The following IQCF1 variants were observed in gnomAD, a reference collection of about 807,000 sequenced individuals.
IQCF1 encodes the protein IQ motif containing F1, also known as IQ domain-containing protein F1.
IQCF1 carries 9 observed loss-of-function variants against 12.5 expected under a neutral mutation model. That is an observed-to-expected ratio of 0.72 (90% CI 0.43 to 1.26). The LOEUF (loss-of-function observed/expected upper bound fraction) is 1.26. Among genes scored for constraint, IQCF1 ranks in the 50% most tolerant of loss-of-function variants. The pLI is 0.00. For synonymous variants in IQCF1, 67 were observed against 96.2 expected, an observed-to-expected ratio of 0.70 and a Z score of 1.78; for missense variants, 252 against 257.4, an observed-to-expected ratio of 0.98 and a Z score of 0.14.
intron 3 of IQCF1, among the ~76,000 whole-genome samples, chr3:51,896,336 G>C (rs1699002016): frequency 6.6e-6 from 1 of 152,122 alleles, no homozygotes. Context: ...ACCACTACGA[G>C]TTTTCCCACC....
In IQCF1 at chr3:51,895,026, C is replaced by T. The variant is rs778155817; in HGVS notation, c.482G>A (p.Arg161His). The change falls in exon 4 of 4, where the codon CGC (arginine) becomes CAC (histidine). Residue 161 changes from arginine to histidine, a missense_variant. Transcript: ENST00000310914. This position sits in a 1 kb window ranked among gnomAD's most constrained non-coding sequence, Gnocchi z 4.8. ...VRIIQAYWRC[R>H]SCASRGFIKG... The stretch of plus-strand genomic sequence containing the variant: ...GATGAACCCCCGGGAAGCACAGGAG[C>T]GGCACCTCCAGTAAGCCTGGATGAT... The T allele has an allele frequency of 9.3e-6, 15 of 1,614,100 alleles. No homozygotes were observed. Among genetic ancestry groups the T allele is most frequent in the African/African-American group, 2.7e-5 (2 of 74,928 alleles).
chr3:51,895,051 T>G lies in IQCF1; in HGVS notation c.457A>C (p.Ile153Leu), dbSNP rs1360607571. 1 of 1,614,112 alleles carries G rather than the reference T, an allele frequency of 6.2e-7. No homozygotes were observed. Among genetic ancestry groups the G allele is most frequent in the East Asian group, 2.2e-5 (1 of 44,892 alleles). The part of the protein sequence containing the change: ...RYCQVLNAVR[I>L]IQAYWRCRSC... ...CGGCACCTCCAGTAAGCCTGGATGA[T>G]GCGAACAGCATTGAGCACCTGGCAA... is the stretch of plus-strand genomic sequence containing the variant. The change falls in exon 4 of 4, where the codon ATC becomes CTC. Residue 153 changes from isoleucine to leucine, a missense_variant. Ile to Leu is a conservative substitution (Grantham distance 5, BLOSUM62 2). Transcript: ENST00000310914. This position sits in a 1 kb window ranked among gnomAD's most constrained non-coding sequence, Gnocchi z 4.8.
chr3:51,896,701 A>ACACACACACACG (rs1272326652), intron 3 of IQCF1, 131 bp downstream of exon 3: 8 of 722,896 alleles, frequency 1.1e-5, no homozygotes, highest in Admixed American at 2.0e-5. Flanking sequence ...GCGCGCACAC[A>ACACACACACACG]CACACACACA....
In IQCF1 at chr3:51,897,799, T is replaced by C. The variant is rs1435058600; in HGVS notation, c.109-905A>G. On this transcript the variant is annotated intron_variant, in intron 2 of 3. Coordinates refer to ENST00000310914, the MANE Select transcript of IQCF1 (RefSeq NM_152397.3). ...TCGTGTGGACAGTGACGAGTCCTACTGCTCGACGGAGTGAGTGGGTCCTCT... is the reference window on the plus strand; with the variant it reads ...TCGTGTGGACAGTGACGAGTCCTACCGCTCGACGGAGTGAGTGGGTCCTCT... 3.3e-5 allele frequency among the ~76,000 whole-genome samples: 5 copies of C among 152,232 alleles called. 1 individual carries two copies. The South Asian group carries it at 1.0e-3, about 32-fold the overall frequency.
intron 2 of IQCF1, among the ~76,000 whole-genome samples, chr3:51,899,563 A>G (rs571457442): frequency 6.6e-6 from 1 of 152,344 alleles, no homozygotes; most frequent in Non-Finnish European, 1.5e-5. Context: ...TTAAAGGTTT[A>G]AGCAAGTTTT....
chr3:51,903,129 G>A lies in IQCF1; in HGVS notation c.4-40C>T, dbSNP rs553411006. On this transcript the variant is annotated intron_variant, in intron 1 of 3. Coordinates refer to ENST00000310914, the MANE Select transcript of IQCF1 (RefSeq NM_152397.3). Reference sequence around the variant, plus strand: ...AGGGGAAAGGCAAGAGTGAGGCTGCGGTCCCTCCCTCTCCATTCAATATGG... The same window carrying A: ...AGGGGAAAGGCAAGAGTGAGGCTGCAGTCCCTCCCTCTCCATTCAATATGG... 50 of 1,601,416 alleles carry A rather than the reference G, an allele frequency of 3.1e-5. No homozygotes were observed. In the Middle Eastern group the frequency reaches 5.0e-4, roughly 16 times the overall value.
chr3:51,901,028 C>G (rs552825284), intron 2 of IQCF1, among the ~76,000 whole-genome samples: 4 of 152,300 alleles, frequency 2.6e-5, no homozygotes, highest in Admixed American at 6.5e-5. Flanking sequence ...ACCAAGATAG[C>G]TATCGTAGAA....
rs528462896 is a variant in IQCF1 at position 51,895,710 on chromosome 3, A to G, written c.172-374T>C. On this transcript the variant is annotated intron_variant, in intron 3 of 3. Coordinates refer to ENST00000310914, the MANE Select transcript of IQCF1 (RefSeq NM_152397.3). This position sits in a 1 kb window ranked among gnomAD's most constrained non-coding sequence, Gnocchi z 4.8. ...CCTTTCTTTCAGACCCCTTCCACCT[A>G]CTGGAGAAGTCACATCCTTTGCCGG... Among the ~76,000 whole-genome samples the G allele has an allele frequency of 6.6e-6, 1 of 152,134 alleles. No individual in the cohort carries two copies. The highest frequency in any genetic ancestry group is 1.9e-4 in the East Asian group (1 of 5,164).
Position 51,895,002 on chromosome 3 carries a change from A to T in IQCF1, c.506T>A (p.Ile169Asn). 1.2e-6 allele frequency: 2 copies of T among 1,614,204 alleles called. No homozygotes were observed. Among genetic ancestry groups the T allele is most frequent in the South Asian group, 2.2e-5 (2 of 91,084 alleles). The change falls in exon 4 of 4, where the codon ATC (isoleucine) becomes AAC (asparagine). Residue 169 changes from isoleucine to asparagine, a missense_variant. Physicochemically the swap from Ile to Asn is moderately radical, Grantham distance 149 (BLOSUM62 -3). Coordinates refer to ENST00000310914, the MANE Select transcript of IQCF1 (RefSeq NM_152397.3). This position sits in a 1 kb window ranked among gnomAD's most constrained non-coding sequence, Gnocchi z 4.8. ...GGCTGTGACTCTGTACTGGCCCTTG[A>T]TGAACCCCCGGGAAGCACAGGAGCG... Reference protein sequence around the residue: ...RCRSCASRGFIKGQYRVTANQ... With the variant: ...RCRSCASRGFNKGQYRVTANQ...
At chr3:51,896,734 TCTAA>T (rs1699008733) in intron 3 of IQCF1, 94 bp downstream of exon 3, 16 of 924,396 alleles carry the variant, frequency 1.7e-5, no homozygotes, top group Admixed American at 1.4e-4. Flanking sequence ...CACACATACT[TCTAA>T]CTGAGCCCAG....
intron 2 of IQCF1, among the ~76,000 whole-genome samples, chr3:51,901,577 C>A (rs1699076305): frequency 5.3e-5 from 8 of 152,188 alleles, no homozygotes; most frequent in Admixed American, 5.2e-4. Context: ...AATTGGCTAT[C>A]CCTTTCACCC....
intron 2 of IQCF1, 114 bp from the exon 3 acceptor site, chr3:51,897,008 G>A: frequency 1.2e-6 from 1 of 834,924 alleles, no homozygotes; most frequent in Non-Finnish European, 2.1e-6. Context: ...CAGTATGTCA[G>A]TATGTTCAAT....
At chr3:51,901,154 G>C (rs1326759063) in intron 2 of IQCF1, among the ~76,000 whole-genome samples, 2 of 152,232 alleles carry the variant, frequency 1.3e-5, no homozygotes, top group Non-Finnish European at 2.9e-5. Flanking sequence ...TGTTATGCTT[G>C]TGCACCCAGC....
At chr3:51,898,972 C>T (rs80030246) in intron 2 of IQCF1, among the ~76,000 whole-genome samples, 2 of 152,144 alleles carry the variant, frequency 1.3e-5, no homozygotes, top group South Asian at 2.1e-4. Context: ...AGGAAGGAGC[C>T]GTCTATACCA....
At position 51,903,010 on chromosome 3, in the gene IQCF1, G is replaced by C; in HGVS notation, c.83C>G (p.Ser28Cys). 1 of 1,614,102 alleles carries C rather than the reference G, an allele frequency of 6.2e-7. No homozygotes were observed. ...CTCTGCCTTTGACTCTGCTCCTAAGGACAAATGGGTTGGCATCTCCTTCTG... is the reference window on the plus strand; with the variant it reads ...CTCTGCCTTTGACTCTGCTCCTAAGCACAAATGGGTTGGCATCTCCTTCTG... ...PQQKEMPTHL[S>C]LGAESKAEAK... Residue 28 changes from serine (S) to cysteine (C), a missense_variant, in exon 2 of 4, where the codon TCC becomes TGC. Transcript: ENST00000310914.
chr3:51,897,791 A>G (rs1372621244), intron 2 of IQCF1, among the ~76,000 whole-genome samples: 1 of 152,206 alleles, frequency 6.6e-6, no homozygotes, highest in Non-Finnish European at 1.5e-5. Flanking sequence ...GACAGTGACG[A>G]GTCCTACTGC....
intron 2 of IQCF1, among the ~76,000 whole-genome samples, chr3:51,897,954 C>T (rs1415625092): frequency 3.9e-5 from 6 of 152,178 alleles, no homozygotes; most frequent in African/African-American, 7.2e-5. Flanking sequence ...CAAGGCGAGA[C>T]GTCCCTGCTT....
intron 2 of IQCF1, among the ~76,000 whole-genome samples, chr3:51,898,464 C>CA (rs1200634095): frequency 6.6e-6 from 1 of 152,088 alleles, no homozygotes; most frequent in African/African-American, 2.4e-5. Flanking sequence ...GCCTTCATAA[C>CA]AAAAAAATCC....
chr3:51,903,083 T>G lies in IQCF1; in HGVS notation c.10A>C (p.Lys4Gln), dbSNP rs1559736841. 5 of 1,614,080 alleles carry G rather than the reference T, an allele frequency of 3.1e-6. No homozygotes were observed. The Admixed American group carries it at 6.7e-5, about 22-fold the overall frequency. The change falls in exon 2 of 4, where the codon AAG (lysine) becomes CAG (glutamine). Residue 4 changes from lysine (K) to glutamine (Q), a missense_variant. Coordinates refer to ENST00000310914, the MANE Select transcript of IQCF1 (RefSeq NM_152397.3). ...GGTTCCTTCGTCTTTTGGGGCTGCT[T>G]CTCCTCCTGCAATCAGCATTAGGGG... is the stretch of plus-strand genomic sequence containing the variant. MEEKQPQKTKEPSK... is the reference protein window; with the variant it reads MEEQQPQKTKEPSK...
Sources: gnomAD v4.1 joint callset for allele counts (sites outside exome capture counted in the v4.1 genomes callset) on GRCh38, gnomAD v4.1.1 for gene constraint, Gnocchi (gnomAD v3.1) non-coding constraint, MANE v1.5 for transcripts, NCBI Gene and HGNC (gene_info 2026-07-23, HGNC 2026-07-21) for gene names.